Variants in SEMA3E observed in about 807,000 individuals in gnomAD.
SEMA3E encodes the protein semaphorin-3E.
Under a neutral mutation model 93.6 loss-of-function variants are expected in SEMA3E, and 49 were observed. The observed-to-expected ratio is 0.52, with a 90% CI of 0.42 to 0.66. SEMA3E has a LOEUF of 0.66. Among genes scored for constraint, SEMA3E ranks in the 30% least tolerant of loss-of-function variants. SEMA3E has a pLI of 0.00. For missense variants in SEMA3E, 906 were observed against 964.8 expected (o/e 0.94, Z 0.81); for synonymous variants, 363 against 330.7 (o/e 1.10, Z -1.06).
At chr7:83,443,539 G>A (rs1789162043) in intron 4 of SEMA3E, among the ~76,000 whole-genome samples, 3 of 152,222 alleles carry the variant, frequency 2.0e-5, no homozygotes, top group Admixed American at 2.0e-4. Context: ...CCAAATCAGG[G>A]TTGAAATAAA....
At chr7:83,517,782 C>A (rs1250640579) in intron 1 of SEMA3E, among the ~76,000 whole-genome samples, 2 of 151,932 alleles carry the variant, frequency 1.3e-5, no homozygotes, top group Admixed American at 1.3e-4. Context: ...TAACAAGTAC[C>A]CCATATACTT....
intron 9 of SEMA3E, among the ~76,000 whole-genome samples, chr7:83,403,370 T>C (rs1788267002): frequency 6.6e-6 from 1 of 151,906 alleles, no homozygotes; most frequent in Non-Finnish European, 1.5e-5. Flanking sequence ...GTCTTTAAAA[T>C]TACTTTAACC....
At chr7:83,600,321 T>C (rs1792960172) in intron 1 of SEMA3E, among the ~76,000 whole-genome samples, 2 of 71,498 alleles carry the variant, frequency 2.8e-5, no homozygotes, top group Non-Finnish European at 5.4e-5. Flanking sequence ...ATATTAATTC[T>C]TTTTTTTTTT....
chr7:83,518,257 C>T (rs1025373526), intron 1 of SEMA3E, among the ~76,000 whole-genome samples: 1 of 151,614 alleles, frequency 6.6e-6, no homozygotes, highest in Non-Finnish European at 1.5e-5. Flanking sequence ...ACTAAGAACT[C>T]GACTGAGGTT....
chr7:83,431,403 C>T (rs958323980), intron 4 of SEMA3E, among the ~76,000 whole-genome samples: 1 of 151,558 alleles, frequency 6.6e-6, no homozygotes, highest in East Asian at 1.9e-4. Context: ...GAAACACTAA[C>T]GGGTAAGTTA....
intron 4 of SEMA3E, among the ~76,000 whole-genome samples, chr7:83,434,584 C>G (rs1242010921): frequency 6.6e-6 from 1 of 152,072 alleles, no homozygotes; most frequent in Non-Finnish European, 1.5e-5. Context: ...TATATACTTT[C>G]AAGATAAATG....
At chr7:83,615,024 A>G (rs1217520075) in intron 1 of SEMA3E, among the ~76,000 whole-genome samples, 2 of 152,148 alleles carry the variant, frequency 1.3e-5, no homozygotes, top group African/African-American at 4.8e-5. Context: ...CTTTAAATAG[A>G]GCAGAGCACT....
chr7:83,596,624 C>A (rs558691672), intron 1 of SEMA3E, among the ~76,000 whole-genome samples: 8 of 152,140 alleles, frequency 5.3e-5, no homozygotes, highest in Non-Finnish European at 8.8e-5. Context: ...CTACTTCCTC[C>A]ACCTGCTTTT....
chr7:83,580,896 T>C (rs537340521), intron 1 of SEMA3E, among the ~76,000 whole-genome samples: 19 of 151,998 alleles, frequency 1.3e-4, no homozygotes, highest in Non-Finnish European at 2.2e-4. Flanking sequence ...TTATCATAGC[T>C]ATTAATATGT....
chr7:83,498,328 C>T (rs908024573), intron 1 of SEMA3E, among the ~76,000 whole-genome samples: 3 of 152,100 alleles, frequency 2.0e-5, no homozygotes, highest in African/African-American at 7.2e-5. Context: ...TGAACATCCA[C>T]TGTGTTAGGA....
At chr7:83,455,189 CTAAA>C (rs1468201986) in intron 4 of SEMA3E, among the ~76,000 whole-genome samples, 1 of 152,102 alleles carries the variant, frequency 6.6e-6, no homozygotes, top group African/African-American at 2.4e-5. Flanking sequence ...TAAATATGCT[CTAAA>C]TAAATATAGA....
chr7:83,407,868 A>G (rs1292425154), intron 6 of SEMA3E, among the ~76,000 whole-genome samples: 3 of 152,124 alleles, frequency 2.0e-5, no homozygotes, highest in Non-Finnish European at 2.9e-5. Flanking sequence ...CTCACCATAA[A>G]ACAATATTCT....
chr7:83,600,523 A>G (rs1389111009), intron 1 of SEMA3E, among the ~76,000 whole-genome samples: 1 of 54,174 alleles, frequency 1.8e-5, no homozygotes, highest in African/African-American at 7.6e-5. Flanking sequence ...TTTTTTTTGT[A>G]TTTTTAGTAG....
intron 1 of SEMA3E, among the ~76,000 whole-genome samples, chr7:83,538,338 C>T (rs1372878446): frequency 6.6e-6 from 1 of 152,140 alleles, no homozygotes; most frequent in Non-Finnish European, 1.5e-5. Context: ...TTCCCACATC[C>T]TCCCAACACT....
At chr7:83,582,803 C>T (rs1319051169) in intron 1 of SEMA3E, among the ~76,000 whole-genome samples, 1 of 151,716 alleles carries the variant, frequency 6.6e-6, no homozygotes, top group Non-Finnish European at 1.5e-5. Context: ...GTTATATATA[C>T]ATATATACAC....
At chr7:83,638,403 G>A (rs1236677990) in intron 1 of SEMA3E, among the ~76,000 whole-genome samples, 2 of 152,116 alleles carry the variant, frequency 1.3e-5, no homozygotes, top group African/African-American at 4.8e-5. Context: ...AGACATGGAA[G>A]AATTTTTGAA....
chr7:83,501,304 G>A (rs887556362), intron 1 of SEMA3E, among the ~76,000 whole-genome samples: 4 of 152,174 alleles, frequency 2.6e-5, no homozygotes, highest in Non-Finnish European at 4.4e-5. Context: ...GTACAAAAGT[G>A]TAATGTTATA....
chr7:83,433,118 C>T (rs535861408), intron 4 of SEMA3E, among the ~76,000 whole-genome samples: 68 of 152,134 alleles, frequency 4.5e-4, no homozygotes, highest in Non-Finnish European at 8.8e-4. Context: ...AAAGACAACT[C>T]TGTAAAGGGG....
intron 4 of SEMA3E, among the ~76,000 whole-genome samples, chr7:83,435,419 T>C (rs577631195): frequency 3.2e-4 from 49 of 151,814 alleles, no homozygotes; most frequent in African/African-American, 1.2e-3. Flanking sequence ...CATGGTGAAA[T>C]CCTGTCTTTA....
Sources: allele counts gnomAD v4.1 joint callset (sites outside exome capture counted in the v4.1 genomes callset), GRCh38; gene constraint gnomAD v4.1.1; transcripts MANE v1.5; gene names NCBI Gene and HGNC (gene_info 2026-07-23, HGNC 2026-07-21).